Variants in CHD9 observed in about 807,000 individuals in gnomAD.
CHD9 encodes the protein chromodomain helicase DNA binding protein 9.
Under a neutral mutation model 316.1 loss-of-function variants are expected in CHD9, and 77 were observed. The observed-to-expected ratio is 0.24, with a 90% confidence interval of 0.20 to 0.29. The LOEUF (loss-of-function observed/expected upper bound fraction) is 0.29. Among genes scored for constraint, CHD9 ranks in the 10% least tolerant of loss-of-function variants. The pLI is 1.00. For missense variants in CHD9, 2,763 were observed against 3,438.1 expected, an observed-to-expected ratio of 0.80 and a Z score of 4.91; for synonymous variants, 1,129 against 1,158.3, an observed-to-expected ratio of 0.97 and a Z score of 0.51.
At chr16:53,238,304 A>G (rs8049913) in intron 11 of CHD9, 39 bp from the exon 12 acceptor site, 2 of 1,495,132 alleles carry the variant, frequency 1.3e-6, no homozygotes, top group South Asian at 1.3e-5. Flanking sequence ...TAGAAAAAAA[A>G]CCCAATGTAT....
chr16:53,205,712 GAAGT>G (rs1404102805), intron 2 of CHD9, among the ~76,000 whole-genome samples: 2 of 152,190 alleles, frequency 1.3e-5, no homozygotes, highest in African/African-American at 4.8e-5. Flanking sequence ...CTTTATAAGA[GAAGT>G]GAGTTGTTTT....
At chr16:53,258,675 T>C (rs1005464582) in intron 19 of CHD9, among the ~76,000 whole-genome samples, 10 of 152,136 alleles carry the variant, frequency 6.6e-5, no homozygotes, top group African/African-American at 2.4e-4. Flanking sequence ...GAGCTACATA[T>C]ATGGAACAGG....
chr16:53,229,173 A>G (rs2047951622), intron 8 of CHD9, 73 bp downstream of exon 8: 1 of 692,766 alleles, frequency 1.4e-6, no homozygotes. Context: ...CAAAAATTAC[A>G]CATTATTTTA....
rs1451557242 is a variant in CHD9 at position 53,070,593 on chromosome 16, C to T, written c.-165+15516C>T. Among the ~76,000 whole-genome samples, 6 of 151,386 alleles carry T rather than the reference C, an allele frequency of 4.0e-5. No homozygotes were observed. In the Admixed American group the frequency reaches 4.0e-4, roughly 10 times the overall value. On this transcript the variant is annotated intron_variant, in intron 1 of 38. Transcript: ENST00000447540. ...TCTTTTTTTTGGAGTCTTGCTCTGT[C>T]ACCCAGGCTGGAGTGTAATGGCGTG...
chr16:53,186,064 AG>A (rs2043975644), intron 2 of CHD9, among the ~76,000 whole-genome samples: 1 of 152,222 alleles, frequency 6.6e-6, no homozygotes, highest in South Asian at 2.1e-4. Flanking sequence ...TGGAGCTGTG[AG>A]AAGAGGATCA....
At chr16:53,105,028 A>C (rs2037212111) in intron 1 of CHD9, among the ~76,000 whole-genome samples, 1 of 152,062 alleles carries the variant, frequency 6.6e-6, no homozygotes, top group Non-Finnish European at 1.5e-5. Context: ...AAAACTGTAG[A>C]GATGGAGGTC....
At chr16:53,146,265 C>G (rs557081927) in intron 1 of CHD9, among the ~76,000 whole-genome samples, 1 of 145,290 alleles carries the variant, frequency 6.9e-6, no homozygotes, top group African/African-American at 2.6e-5. Flanking sequence ...TTGTGACGGG[C>G]GCCTGTAATC....
At chr16:53,284,389 TATAA>T (rs1425036343) in intron 24 of CHD9, among the ~76,000 whole-genome samples, 1 of 151,630 alleles carries the variant, frequency 6.6e-6, no homozygotes, top group Admixed American at 6.6e-5. Flanking sequence ...TGTATGTATA[TATAA>T]ATATATAGTT....
At chr16:53,082,919 T>A (rs1174340498) in intron 1 of CHD9, among the ~76,000 whole-genome samples, 3 of 152,212 alleles carry the variant, frequency 2.0e-5, no homozygotes, top group African/African-American at 7.2e-5. Context: ...ATCTGAGTGC[T>A]CACCCTGCTG....
At chr16:53,176,796 A>G (rs2043125759) in intron 2 of CHD9, among the ~76,000 whole-genome samples, 1 of 152,212 alleles carries the variant, frequency 6.6e-6, no homozygotes, top group Non-Finnish European at 1.5e-5. Flanking sequence ...AAACTGAGCA[A>G]TTTTTGAAAG....
rs2041532293 is a variant in CHD9 at position 53,156,534 on chromosome 16, T to C, written c.445T>C (p.Ser149Pro). ...SPFHQQGHSH[S>P]MHQNKSFVAH... ...TTTTCACCAACAAGGACATTCACAC[T>C]CTATGCATCAAAATAAAAGCTTTGT... is the stretch of plus-strand genomic sequence containing the variant. Residue 149 changes from serine to proline, a missense_variant, in exon 2 of 39, where the codon TCT (serine) becomes CCT (proline). This residue lies in a region of CHD9 where 859 missense variants were observed against 890.4 expected (regional missense o/e 0.96). Coordinates refer to ENST00000447540, the MANE Select transcript of CHD9 (RefSeq NM_001308319.2). 3.5e-5 allele frequency: 56 copies of C among 1,613,840 alleles called. No homozygotes were observed. Among genetic ancestry groups the C allele is most frequent in the Non-Finnish European group, 4.7e-5 (56 of 1,179,890 alleles).
In CHD9 at chr16:53,324,373, G is replaced by A. The variant is rs777519928; in HGVS notation, c.8172G>A (p.Leu2724=). ...LLSGMAGLPN[L]LGMGGLLTKP... ...CAGGAATGGCTGGATTACCAAATCT[G>A]TTGGGCATGGGAGGACTCCTGACAA... The change falls in exon 39 of 39, where the codon CTG becomes CTA. Residue 2724 remains leucine, a synonymous_variant. Transcript: ENST00000447540. The A allele has an allele frequency of 1.4e-5, 22 of 1,613,904 alleles. No individual in the cohort carries two copies. Among genetic ancestry groups the A allele is most frequent in the Non-Finnish European group, 1.9e-5 (22 of 1,179,904 alleles).
intron 17 of CHD9, among the ~76,000 whole-genome samples, chr16:53,251,999 G>A (rs1368210554): frequency 1.3e-5 from 2 of 152,030 alleles, no homozygotes; most frequent in Non-Finnish European, 2.9e-5. Flanking sequence ...CAAATTCAAT[G>A]CAATCCCCAT....
intron 1 of CHD9, among the ~76,000 whole-genome samples, chr16:53,057,410 T>C (rs974539652): frequency 3.3e-5 from 5 of 151,504 alleles, no homozygotes; most frequent in Non-Finnish European, 1.5e-5. Flanking sequence ...TCCCAGCACT[T>C]TGGGAGGCCG....
chr16:53,061,613 C>T (rs2032914783), intron 1 of CHD9, among the ~76,000 whole-genome samples: 1 of 152,122 alleles, frequency 6.6e-6, no homozygotes, highest in South Asian at 2.1e-4. Context: ...CCTCAGGGAC[C>T]CTTAGCGAGA....
chr16:53,065,931 C>T (rs1472109267), intron 1 of CHD9, among the ~76,000 whole-genome samples: 1 of 152,164 alleles, frequency 6.6e-6, no homozygotes, highest in Non-Finnish European at 1.5e-5. Context: ...TGTCCAGAGA[C>T]ACATCCTGTC....
At chr16:53,178,339 A>G (rs138646604) in intron 2 of CHD9, among the ~76,000 whole-genome samples, 3 of 151,296 alleles carry the variant, frequency 2.0e-5, no homozygotes, top group Non-Finnish European at 4.4e-5. Context: ...TTTTCTCTCT[A>G]TGGAAATCAA....
intron 24 of CHD9, among the ~76,000 whole-genome samples, chr16:53,281,988 T>C (rs1038274702): frequency 1.3e-5 from 2 of 152,212 alleles, no homozygotes; most frequent in East Asian, 3.8e-4. Context: ...TTTAAGCTGC[T>C]TGAAGGTAAG....
intron 1 of CHD9, among the ~76,000 whole-genome samples, chr16:53,155,026 T>G (rs1246700944): frequency 6.6e-6 from 1 of 152,214 alleles, no homozygotes; most frequent in African/African-American, 2.4e-5. Context: ...TAATTTTTAC[T>G]TATATTACTA....
Sources: gnomAD v4.1 joint callset for allele counts (sites outside exome capture counted in the v4.1 genomes callset) on GRCh38, gnomAD v4.1.1 for gene constraint, gnomAD v4.1.1 regional missense constraint, MANE v1.5 for transcripts, NCBI Gene and HGNC (gene_info 2026-07-23, HGNC 2026-07-21) for gene names.